RARB: variants seen among roughly 807,000 people sequenced by gnomAD.
The protein encoded by RARB is HBV-activated protein.
A neutral mutation model predicts 51.9 loss-of-function variants in RARB; 17 were observed. The ratio of observed to expected loss-of-function variants is 0.33; its 90% confidence interval spans 0.22 to 0.49. The LOEUF is 0.49. Among genes scored for constraint, RARB ranks in the 20% least tolerant of loss-of-function variants. The probability of loss-of-function intolerance (pLI) is 0.99; values close to 1 mark genes in which losing one functional copy is unlikely to be tolerated. For synonymous variants in RARB, 215 were observed against 195.4 expected (o/e 1.10, Z -0.84); for missense variants, 369 against 550.8 (o/e 0.67, Z 3.30).
At chr3:25,518,795 G>C (rs953961004) in intron 3 of RARB, among the ~76,000 whole-genome samples, 1 of 152,008 alleles carries the variant, frequency 6.6e-6, no homozygotes, top group African/African-American at 2.4e-5. Flanking sequence ...TCTTTATTAA[G>C]GTATAACTTA....
intron 5 of RARB, among the ~76,000 whole-genome samples, chr3:25,202,564 G>C (rs1052362795): frequency 6.6e-6 from 1 of 151,982 alleles, no homozygotes; most frequent in South Asian, 2.1e-4. Context: ...TTTGTCTTGC[G>C]GGCATTTAGT....
At chr3:25,353,038 C>T (rs1469425671) in intron 5 of RARB, among the ~76,000 whole-genome samples, 1 of 152,152 alleles carries the variant, frequency 6.6e-6, no homozygotes, top group Non-Finnish European at 1.5e-5. Flanking sequence ...TCTTATGTGC[C>T]AAGTAATACG....
At chr3:25,154,929 G>A (rs1469623667) in intron 4 of RARB, among the ~76,000 whole-genome samples, 1 of 152,190 alleles carries the variant, frequency 6.6e-6, no homozygotes, top group Non-Finnish European at 1.5e-5. Context: ...GGGGTGGCAT[G>A]AGCATGGCTT....
chr3:25,539,563 A>AT (rs1334442183), intron 3 of RARB, among the ~76,000 whole-genome samples: 2 of 52,626 alleles, frequency 3.8e-5, no homozygotes, highest in South Asian at 5.4e-4. Flanking sequence ...TTTTTGGCCT[A>AT]TTTTTTCCCC....
At chr3:25,073,934 T>G (rs1244688359) in intron 3 of RARB, among the ~76,000 whole-genome samples, 1 of 152,120 alleles carries the variant, frequency 6.6e-6, no homozygotes, top group East Asian at 1.9e-4. Flanking sequence ...GAGACTAGAG[T>G]TGGTAAATCA....
At chr3:25,469,264 A>G (rs9872000) in intron 2 of RARB, among the ~76,000 whole-genome samples, 8,778 of 152,256 alleles carry the variant, frequency 0.058, 370 homozygotes, top group African/African-American at 0.12. Flanking sequence ...TAGAACTTCT[A>G]TTAAATACTT....
intron 5 of RARB, among the ~76,000 whole-genome samples, chr3:25,407,849 A>G (rs1575378942): frequency 3.3e-5 from 5 of 152,274 alleles, no homozygotes; most frequent in Admixed American, 6.5e-5. Flanking sequence ...CTAAACAAGA[A>G]GATGGGAAGT....
intron 2 of RARB, among the ~76,000 whole-genome samples, chr3:25,491,354 C>G (rs1047992320): frequency 6.6e-6 from 1 of 151,662 alleles, no homozygotes; most frequent in African/African-American, 2.4e-5. Flanking sequence ...TAAGGTTTTT[C>G]TTTCTAGCTT....
intron 1 of RARB, among the ~76,000 whole-genome samples, chr3:24,841,041 A>G (rs1702415614): frequency 6.6e-6 from 1 of 152,194 alleles, no homozygotes; most frequent in African/African-American, 2.4e-5. Flanking sequence ...GAGAGAGAGT[A>G]CAGAAAGACA....
intron 4 of RARB, among the ~76,000 whole-genome samples, chr3:25,146,570 C>T (rs1347364722): frequency 6.9e-6 from 1 of 145,984 alleles, no homozygotes; most frequent in African/African-American, 2.5e-5. Context: ...TGCAATGGCG[C>T]GATCTCGGCT....
At chr3:25,083,782 A>G (rs1398922329) in intron 3 of RARB, among the ~76,000 whole-genome samples, 1 of 151,900 alleles carries the variant, frequency 6.6e-6, no homozygotes, top group Admixed American at 6.6e-5. Context: ...TTTGTTCTGG[A>G]GTTTTATTTG....
intron 1 of RARB, among the ~76,000 whole-genome samples, chr3:25,431,689 G>T (rs1708212884): frequency 2.0e-5 from 3 of 152,220 alleles, no homozygotes; most frequent in Middle Eastern, 6.8e-3. Flanking sequence ...CAACTTCTTG[G>T]CCTTTTTCCC....
chr3:25,303,542 T>C (rs988178654), intron 5 of RARB, among the ~76,000 whole-genome samples: 1 of 152,224 alleles, frequency 6.6e-6, no homozygotes, highest in African/African-American at 2.4e-5. Flanking sequence ...TAGCTGAATG[T>C]CTCTCTAATC....
rs112825997 is a variant in RARB at position 25,055,766 on chromosome 3, A to G, written c.-379-4359A>G. 9.8e-3 allele frequency among the ~76,000 whole-genome samples: 1,485 copies of G among 152,122 alleles called. 33 individuals are homozygous for G. The highest frequency in any genetic ancestry group is 0.034 in the African/African-American group (1,410 of 41,500). On this transcript the variant is annotated intron_variant, in intron 2 of 11. Transcript: ENST00000383772. Reference sequence around the variant, plus strand: ...AGGCTCTGGAATTAGGGTAGGGCATACCCCGGAATCATCACAACCAGAAAC... The same window carrying G: ...AGGCTCTGGAATTAGGGTAGGGCATGCCCCGGAATCATCACAACCAGAAAC...
intron 5 of RARB, among the ~76,000 whole-genome samples, chr3:25,344,936 G>C (rs910161934): frequency 1.5e-5 from 2 of 135,984 alleles, no homozygotes; most frequent in Non-Finnish European, 3.2e-5. Context: ...TCTCTGAAAA[G>C]TATTTGGCAT....
intron 3 of RARB, among the ~76,000 whole-genome samples, chr3:25,082,139 T>C (rs1699018180): frequency 1.3e-5 from 2 of 152,152 alleles, no homozygotes; most frequent in South Asian, 4.1e-4. Flanking sequence ...ACCTGTGTAC[T>C]TATATTTTAA....
chr3:25,343,526 TA>T (rs1305466685), intron 5 of RARB, among the ~76,000 whole-genome samples: 1 of 151,970 alleles, frequency 6.6e-6, no homozygotes, highest in East Asian at 1.9e-4. Context: ...CCAAAATGCT[TA>T]AGAAAAACTT....
intron 4 of RARB, among the ~76,000 whole-genome samples, chr3:25,137,387 C>G (rs1700046149): frequency 6.6e-6 from 1 of 151,990 alleles, no homozygotes; most frequent in Non-Finnish European, 1.5e-5. Context: ...TTCTCTTTAG[C>G]TTTAAAAAAG....
intron 1 of RARB, among the ~76,000 whole-genome samples, chr3:24,845,924 T>C (rs1702480730): frequency 6.6e-6 from 1 of 152,238 alleles, no homozygotes; most frequent in South Asian, 2.1e-4. Flanking sequence ...TGTCCTGTGC[T>C]TTTACGGTTT....
Sources: gnomAD v4.1 joint callset for allele counts (sites outside exome capture counted in the v4.1 genomes callset) on GRCh38, gnomAD v4.1.1 for gene constraint, MANE v1.5 for transcripts, NCBI Gene and HGNC (gene_info 2026-07-23, HGNC 2026-07-21) for gene names.